Variants in TRPV3 observed in about 807,000 individuals in gnomAD.
TRPV3 encodes the protein transient receptor potential cation channel subfamily V member 3, also known as VRL-3.
In TRPV3, 88 loss-of-function variants were observed where a neutral mutation model predicts 87.1. That is an observed-to-expected ratio of 1.01 (90% CI 0.85 to 1.21). The LOEUF is 1.21. Ranked by LOEUF, TRPV3 falls within the 50% of genes most tolerant of loss-of-function variation. TRPV3 has a pLI of 0.00. For missense variants in TRPV3, 1,054 were observed against 1,030.1 expected, an observed-to-expected ratio of 1.02 and a Z score of -0.32; for synonymous variants, 438 against 423.3, an observed-to-expected ratio of 1.03 and a Z score of -0.43.
rs1248565516 is a variant in TRPV3, at chr17:3,517,584, CA to C, written c.2085+991del. Among the ~76,000 whole-genome samples the C allele has an allele frequency of 2.2e-4, 30 of 136,852 alleles. No individual in the cohort carries two copies. In the Admixed American group the frequency reaches 2.4e-3, roughly 11 times the overall value. 89.8% of individuals were successfully genotyped at this position (136,852 alleles called of 152,430 possible). A position where few individuals can be genotyped will look rare whatever the true frequency, so the allele number is the denominator to read the frequency against. On this transcript the variant is annotated intron_variant, in intron 15 of 17. Transcript: ENST00000576742. ...CAGTGAGCTGATAATCGTGCCACTG[CA>C]CTCCAGCCTGGGCAACAGAGCAAGA... is the stretch of plus-strand genomic sequence containing the variant.
chr17:3,556,531 A>G lies in TRPV3; in HGVS notation c.-3+1145T>C, dbSNP rs2074634591. ...GGGGGCAGGAAGACGGATTTCTGTA[A>G]GAAGAACCCAGCTGGGTGGGGTGGA... On this transcript the variant is annotated intron_variant, in intron 1 of 17. Transcript: ENST00000576742. The surrounding 1 kb of genome is among the most constrained non-coding windows in gnomAD (Gnocchi z 4.2). Among the ~76,000 whole-genome samples, 1 of 152,112 alleles carries G rather than the reference A, an allele frequency of 6.6e-6. No individual in the cohort carries two copies. The highest frequency in any genetic ancestry group is 2.4e-5 in the African/African-American group (1 of 41,428).
In TRPV3 at chr17:3,518,593, G is replaced by T; in HGVS notation, c.2068C>A (p.Arg690Ser). The T allele has an allele frequency of 6.4e-7, 1 of 1,558,218 alleles. No homozygotes were observed. The highest frequency in any genetic ancestry group is 8.7e-7 in the Non-Finnish European group (1 of 1,150,088). Residue 690 changes from arginine to serine, a missense_variant, in exon 15 of 18, where the codon CGC becomes AGC. Physicochemically the swap from Arg to Ser is moderately radical, Grantham distance 110. Coordinates refer to ENST00000576742, the MANE Select transcript of TRPV3 (RefSeq NM_145068.4). The surrounding 1 kb of genome is among the most constrained non-coding windows in gnomAD (Gnocchi z 4.3). Reference protein sequence around the residue: ...TVENVSKESERIWRLQRARTI... With the variant: ...TVENVSKESESIWRLQRARTI... ...AGGCTCACCTGCAGGCGCCAGATGC[G>T]TTCGCTCTCCTTGGAGACGTTCTCC...
chr17:3,533,711 ATGGTCT>A (rs1435583940), intron 7 of TRPV3, among the ~76,000 whole-genome samples: 2 of 152,160 alleles, frequency 1.3e-5, no homozygotes, highest in African/African-American at 4.8e-5. Flanking sequence ...GTTGGCCAGG[ATGGTCT>A]TGAACTCCTG....
rs905037630 is a variant in TRPV3, at chr17:3,514,086, T to C, written c.2279-75A>G. On this transcript the variant is annotated intron_variant, in intron 17 of 17. Coordinates refer to ENST00000576742, the MANE Select transcript of TRPV3 (RefSeq NM_145068.4). ...GTGTTTCTTTTTTCTTTTTCTTTTT[T>C]TTCTTTTTTGAGATGGAGTTTCCCT... 33 of 1,364,036 alleles carry C rather than the reference T, an allele frequency of 2.4e-5. No homozygotes were observed. The Admixed American group carries it at 6.7e-4, about 28-fold the overall frequency. 84.5% of individuals were successfully genotyped at this position (1,364,036 alleles called of 1,614,324 possible).
At chr17:3,520,909 C>T (rs1451180929) in intron 14 of TRPV3, 64 bp downstream of exon 14, 3 of 1,168,774 alleles carry the variant, frequency 2.6e-6, no homozygotes, top group Admixed American at 1.9e-5. Flanking sequence ...TGCACTTTGC[C>T]ATTTTGACAT....
At chr17:3,548,636 G>A (rs896187222) in intron 2 of TRPV3, among the ~76,000 whole-genome samples, 3 of 152,246 alleles carry the variant, frequency 2.0e-5, no homozygotes, top group Non-Finnish European at 4.4e-5. Flanking sequence ...GGGGTGGAGG[G>A]CAGTACTGGC....
At chr17:3,516,402 C>G in intron 16 of TRPV3, 55 bp downstream of exon 16, 8 of 1,358,686 alleles carry the variant, frequency 5.9e-6, no homozygotes, top group Non-Finnish European at 8.4e-6. Context: ...CACCATCCTG[C>G]CCCTCTCTAC....
At chr17:3,522,896 T>C (rs1377360354) in intron 13 of TRPV3, among the ~76,000 whole-genome samples, 3 of 151,920 alleles carry the variant, frequency 2.0e-5, no homozygotes, top group Admixed American at 2.0e-4. Flanking sequence ...CTGTATTGTA[T>C]AGTATATTTT....
At chr17:3,545,855 T>C (rs1490574670) in intron 2 of TRPV3, among the ~76,000 whole-genome samples, 3 of 148,704 alleles carry the variant, frequency 2.0e-5, no homozygotes, top group Admixed American at 6.7e-5. Flanking sequence ...CTGGGCATGA[T>C]GGCAGGCACC....
intron 8 of TRPV3, among the ~76,000 whole-genome samples, chr17:3,531,531 C>T (rs184155747): frequency 6.6e-6 from 1 of 152,308 alleles, no homozygotes; most frequent in East Asian, 1.9e-4. Flanking sequence ...CAGGTGCCTC[C>T]CCCGGGCCGG....
chr17:3,536,869 C>G (rs1007549483), intron 6 of TRPV3, among the ~76,000 whole-genome samples: 3 of 152,106 alleles, frequency 2.0e-5, no homozygotes, highest in Admixed American at 6.5e-5. Context: ...GACCAGAAGG[C>G]TGGAGTGGGG....
rs2074139218 is a variant in TRPV3 at position 3,513,354 on chromosome 17, G to A, written c.*563C>T. ...AGGATGGTCTCCTTTTCCCCGAAGG[G>A]TTCCGGAAGGGTGTTTCCAGAGCGC... On this transcript the variant is annotated 3_prime_UTR_variant, in exon 18 of 18. Transcript: ENST00000576742. 6.5e-6 allele frequency: 1 copy of A among 153,006 alleles called. No individual in the cohort carries two copies. Among genetic ancestry groups the A allele is most frequent in the Admixed American group, 6.5e-5 (1 of 15,356 alleles). The allele number at this position is 153,006 out of a possible 1,614,324, so 9.5% of individuals were successfully genotyped here.
At chr17:3,550,520 C>CTTTTTTT (rs35400667) in intron 2 of TRPV3, among the ~76,000 whole-genome samples, 14 of 92,172 alleles carry the variant, frequency 1.5e-4, no homozygotes, top group Non-Finnish European at 1.6e-4. Flanking sequence ...CCTGCCTGCT[C>CTTTTTTT]TTTTTTTTTT....
rs2074360339 is a variant in TRPV3, at chr17:3,532,747, T to C, written c.975A>G (p.Leu325=). The change falls in exon 8 of 18, where the codon CTA becomes CTG. Residue 325 remains leucine (L), a synonymous_variant. Transcript: ENST00000576742. The part of the protein sequence containing the change: ...DFVKRMYDMI[L]LRSGNWELET... ...CCAGCTCCCAGTTGCCACTCCGCAG[T>C]AGGATCATGTCGTACATGCGCTTCA... 6.2e-7 allele frequency: 1 copy of C among 1,614,138 alleles called. No individual in the cohort carries two copies. Among genetic ancestry groups the C allele is most frequent in the Non-Finnish European group, 8.5e-7 (1 of 1,180,044 alleles).
intron 7 of TRPV3, among the ~76,000 whole-genome samples, chr17:3,534,554 G>T (rs565088712): frequency 1.3e-5 from 2 of 152,248 alleles, no homozygotes; most frequent in South Asian, 2.1e-4. Flanking sequence ...TGACTGCAGT[G>T]GTGGTGAACC....
intron 2 of TRPV3, 200 bp downstream of exon 2, chr17:3,554,532 C>A: frequency 2.0e-6 from 1 of 510,536 alleles, no homozygotes; most frequent in East Asian, 3.3e-5. Context: ...GTCACACTGA[C>A]TACCCCAGCT....
chr17:3,547,634 G>A (rs918566115), intron 2 of TRPV3, among the ~76,000 whole-genome samples: 13 of 152,068 alleles, frequency 8.5e-5, no homozygotes, highest in Non-Finnish European at 1.8e-4. Flanking sequence ...AAAAATGGCT[G>A]ATCTAGAGCA....
rs145467220 is a variant in TRPV3 at position 3,544,631 on chromosome 17, G to T, written c.259C>A (p.Gln87Lys). The T allele has an allele frequency of 1.9e-6, 3 of 1,607,054 alleles. No individual in the cohort carries two copies. Among genetic ancestry groups the T allele is most frequent in the South Asian group, 2.2e-5 (2 of 90,454 alleles). The change falls in exon 4 of 18, where the codon CAG becomes AAG. Residue 87 changes from glutamine to lysine, a missense_variant. By Grantham distance (53) the Gln-to-Lys change is moderately conservative. Coordinates refer to ENST00000576742, the MANE Select transcript of TRPV3 (RefSeq NM_145068.4). ...TCTGTCACATCATCCTGAGGAGACT[G>T]GGGGGAGTCCATGTCATCACAGTTA... Reference protein sequence around the residue: ...SGNCDDMDSPQSPQDDVTETP... With the variant: ...SGNCDDMDSPKSPQDDVTETP...
chr17:3,525,700 G>A (rs1450880536), intron 12 of TRPV3, among the ~76,000 whole-genome samples: 2 of 150,298 alleles, frequency 1.3e-5, no homozygotes, highest in African/African-American at 4.9e-5. Context: ...GCTCACTGCA[G>A]CCTCCGCCTC....
Sources: allele counts gnomAD v4.1 joint callset (sites outside exome capture counted in the v4.1 genomes callset), GRCh38; gene constraint gnomAD v4.1.1; non-coding constraint Gnocchi (gnomAD v3.1); transcripts MANE v1.5; gene names NCBI Gene and HGNC (gene_info 2026-07-23, HGNC 2026-07-21).